RGS7: variants seen among roughly 807,000 people sequenced by gnomAD.
RGS7 encodes regulator of G protein signaling 7.
RGS7 carries 27 observed loss-of-function variants against 81.1 expected under a neutral mutation model. That is an observed-to-expected ratio of 0.33 (90% CI 0.25 to 0.46). The LOEUF is 0.46. Among genes scored for constraint, RGS7 ranks in the 20% least tolerant of loss-of-function variants. The probability of loss-of-function intolerance (pLI) is 1.00; values close to 1 mark genes in which losing one functional copy is unlikely to be tolerated. For synonymous variants in RGS7, 208 were observed against 207.7 expected (o/e 1.00, Z -0.01); for missense variants, 396 against 607.4 (o/e 0.65, Z 3.66).
At chr1:241,350,278 G>A (rs374713886) in intron 2 of RGS7, among the ~76,000 whole-genome samples, 12 of 152,286 alleles carry the variant, frequency 7.9e-5, no homozygotes, top group African/African-American at 2.6e-4. Context: ...GTACATGTCA[G>A]TATTAGTATC....
chr1:241,026,705 A>T (rs2059806436), intron 3 of RGS7, among the ~76,000 whole-genome samples: 1 of 152,140 alleles, frequency 6.6e-6, no homozygotes, highest in Non-Finnish European at 1.5e-5. Context: ...CATTACAGTA[A>T]GAGAGAGACA....
chr1:241,051,590 C>T (rs866297815), intron 3 of RGS7, among the ~76,000 whole-genome samples: 1 of 152,054 alleles, frequency 6.6e-6, no homozygotes, highest in Admixed American at 6.6e-5. Context: ...TCCTCTTCTC[C>T]TCTGCCTTTC....
intron 6 of RGS7, among the ~76,000 whole-genome samples, chr1:240,898,191 T>G (rs1189801053): frequency 6.6e-6 from 1 of 152,200 alleles, no homozygotes; most frequent in Non-Finnish European, 1.5e-5. Context: ...TGATTAGTCT[T>G]GCTAGTGGTC....
At chr1:241,298,905 T>C (rs2079573325) in intron 2 of RGS7, among the ~76,000 whole-genome samples, 1 of 152,166 alleles carries the variant, frequency 6.6e-6, no homozygotes, top group Non-Finnish European at 1.5e-5. Flanking sequence ...TATCTCAAGA[T>C]AAGCTTCTAG....
intron 9 of RGS7, among the ~76,000 whole-genome samples, chr1:240,832,114 G>A (rs1290851644): frequency 2.0e-5 from 3 of 152,102 alleles, no homozygotes; most frequent in African/African-American, 4.8e-5. Flanking sequence ...CCACTAGCTG[G>A]CACCAGACCT....
intron 2 of RGS7, among the ~76,000 whole-genome samples, chr1:241,196,634 C>T (rs190648485): frequency 7.9e-5 from 12 of 151,786 alleles, no homozygotes; most frequent in South Asian, 4.2e-4. Context: ...AAAAATTTGG[C>T]GATGCAGAAA....
intron 2 of RGS7, among the ~76,000 whole-genome samples, chr1:241,230,083 A>G (rs1384326828): frequency 6.6e-6 from 1 of 152,080 alleles, no homozygotes; most frequent in Non-Finnish European, 1.5e-5. Flanking sequence ...TTTTTCACTG[A>G]ATAATTCTGT....
At chr1:241,174,272 G>GA (rs1350966215) in intron 2 of RGS7, among the ~76,000 whole-genome samples, 4 of 152,304 alleles carry the variant, frequency 2.6e-5, no homozygotes, top group Admixed American at 1.3e-4. Flanking sequence ...GTCAGATACT[G>GA]AAGCACCCCA....
intron 2 of RGS7, among the ~76,000 whole-genome samples, chr1:241,291,570 C>CTTTTTTT (rs397947911): frequency 0.036 from 3,366 of 93,794 alleles, 188 homozygotes; most frequent in African/African-American, 0.052. Flanking sequence ...GAATTCCCAG[C>CTTTTTTT]TTTTTTTTTT....
intron 6 of RGS7, among the ~76,000 whole-genome samples, chr1:240,924,531 T>G (rs1674109224): frequency 1.3e-5 from 2 of 152,208 alleles, no homozygotes; most frequent in Non-Finnish European, 1.5e-5. Flanking sequence ...GCAACTGTCA[T>G]ATGTTGGTTT....
At chr1:241,179,342 T>A (rs1405344256) in intron 2 of RGS7, among the ~76,000 whole-genome samples, 1 of 152,150 alleles carries the variant, frequency 6.6e-6, no homozygotes, top group Admixed American at 6.5e-5. Context: ...CAAGTGATCC[T>A]TCCGCCTCGG....
At chr1:240,962,239 G>A (rs770479751) in intron 4 of RGS7, among the ~76,000 whole-genome samples, 7 of 151,990 alleles carry the variant, frequency 4.6e-5, no homozygotes, top group Non-Finnish European at 8.8e-5. Flanking sequence ...CTTAAGCTCT[G>A]GTGAATCTCC....
chr1:241,123,670 G>C (rs2066450734), intron 2 of RGS7, among the ~76,000 whole-genome samples: 1 of 152,222 alleles, frequency 6.6e-6, no homozygotes, highest in Non-Finnish European at 1.5e-5. Context: ...AGAATCACTT[G>C]AACCCGGGAG....
chr1:240,972,174 C>T (rs1029601597), intron 4 of RGS7, among the ~76,000 whole-genome samples: 1 of 152,166 alleles, frequency 6.6e-6, no homozygotes, highest in African/African-American at 2.4e-5. Flanking sequence ...CCATGCCTCT[C>T]TTATGGTTGC....
intron 2 of RGS7, among the ~76,000 whole-genome samples, chr1:241,213,562 T>C (rs1301153031): frequency 6.6e-6 from 1 of 152,192 alleles, no homozygotes; most frequent in Non-Finnish European, 1.5e-5. Flanking sequence ...GACTCTGATA[T>C]GCATTCCTAA....
rs561398154 is a variant in RGS7, at chr1:240,836,359, C to G, written c.610-9187G>C. Among the ~76,000 whole-genome samples the G allele has an allele frequency of 2.6e-5, 4 of 152,258 alleles. No homozygotes were observed. In the South Asian group the frequency reaches 8.3e-4, roughly 32 times the overall value. ...CAGGGCAAAGCAGAAGCAAGGGGCC[C>G]AGTTTGAAGGTTACTGCAATTATTC... On this transcript the variant is annotated intron_variant, in intron 9 of 18. Coordinates refer to ENST00000440928, the MANE Select transcript of RGS7 (RefSeq NM_001364886.1).
chr1:241,091,547 CAATAAATAAATA>C (rs371664255), intron 3 of RGS7, among the ~76,000 whole-genome samples: 4,917 of 129,126 alleles, frequency 0.038, 268 homozygotes, highest in African/African-American at 0.12. Flanking sequence ...GACTCTGTCT[CAATAAATAAATA>C]AATAAATAAA....
At chr1:240,967,670 C>A (rs1354383687) in intron 4 of RGS7, among the ~76,000 whole-genome samples, 1 of 151,680 alleles carries the variant, frequency 6.6e-6, no homozygotes, top group East Asian at 1.9e-4. Flanking sequence ...GAGAAAATGA[C>A]CACATATGGG....
intron 2 of RGS7, among the ~76,000 whole-genome samples, chr1:241,335,881 G>A (rs1227559260): frequency 6.6e-6 from 1 of 152,134 alleles, no homozygotes; most frequent in Non-Finnish European, 1.5e-5. Flanking sequence ...ATTAAAAACT[G>A]TCTAAACTGG....
Sources: allele counts gnomAD v4.1 joint callset (sites outside exome capture counted in the v4.1 genomes callset), GRCh38; gene constraint gnomAD v4.1.1; transcripts MANE v1.5; gene names NCBI Gene and HGNC (gene_info 2026-07-23, HGNC 2026-07-21).